The following GALNT13 variants were observed in gnomAD, a reference collection of about 807,000 sequenced individuals.
GALNT13 encodes the protein polypeptide N-acetylgalactosaminyltransferase 13, also known as UDP-GalNAc:polypeptide N-acetylgalactosaminyltransferase 13.
GALNT13 carries 28 observed loss-of-function variants against 64.2 expected under a neutral mutation model. That is an observed-to-expected ratio of 0.44 (90% CI 0.32 to 0.60). The LOEUF (loss-of-function observed/expected upper bound fraction) is 0.60. GALNT13 is among the 20% of genes least tolerant of loss of function. The pLI, the probability that GALNT13 is intolerant of heterozygous loss-of-function variation, is 0.05. For missense variants in GALNT13, 577 were observed against 669.8 expected, an observed-to-expected ratio of 0.86 and a Z score of 1.53; for synonymous variants, 214 against 224.6, an observed-to-expected ratio of 0.95 and a Z score of 0.42.
the GALNT13 span, among the ~76,000 whole-genome samples, chr2:153,378,823 C>T: frequency 1.3e-5 from 2 of 152,112 alleles, no homozygotes; most frequent in Non-Finnish European, 2.9e-5. Flanking sequence ...TGGAAGCCAA[C>T]TTGTACCCGC....
the GALNT13 span, among the ~76,000 whole-genome samples, chr2:153,481,474 C>A: frequency 6.6e-6 from 1 of 152,092 alleles, no homozygotes; most frequent in African/African-American, 2.4e-5. Flanking sequence ...AACTTAATTT[C>A]CAGAAAAATG....
the GALNT13 span, among the ~76,000 whole-genome samples, chr2:153,328,793 C>T: frequency 3.3e-5 from 5 of 152,168 alleles, no homozygotes; most frequent in South Asian, 1.0e-3. Context: ...CTAGCTTCAG[C>T]CCCCTTTCCA....
chr2:153,931,744 A>T (rs1223722759), intron 2 of GALNT13, among the ~76,000 whole-genome samples: 2 of 152,084 alleles, frequency 1.3e-5, no homozygotes, highest in Admixed American at 6.6e-5. Flanking sequence ...TGCTGGATTC[A>T]GTTTGCTAGT....
chr2:154,072,949 T>C (rs1700807498), intron 3 of GALNT13, among the ~76,000 whole-genome samples: 1 of 152,022 alleles, frequency 6.6e-6, no homozygotes, highest in African/African-American at 2.4e-5. Flanking sequence ...GTGGCCTATG[T>C]CAGCGATTCT....
the GALNT13 span, among the ~76,000 whole-genome samples, chr2:153,096,140 A>C: frequency 6.6e-6 from 1 of 152,156 alleles, no homozygotes; most frequent in African/African-American, 2.4e-5. Flanking sequence ...TTTCAGAAAC[A>C]TATTGTTTAA....
At chr2:153,686,786 A>G in the GALNT13 span, among the ~76,000 whole-genome samples, 1 of 151,980 alleles carries the variant, frequency 6.6e-6, no homozygotes, top group African/African-American at 2.4e-5. Context: ...TTTGTCATAT[A>G]TGGTTCATAT....
chr2:153,714,503 A>G, the GALNT13 span, among the ~76,000 whole-genome samples: 3 of 152,222 alleles, frequency 2.0e-5, no homozygotes, highest in African/African-American at 4.8e-5. Flanking sequence ...TCTGCCAACC[A>G]TATTTCTCAC....
chr2:153,543,435 A>G, the GALNT13 span, among the ~76,000 whole-genome samples: 11 of 152,376 alleles, frequency 7.2e-5, no homozygotes, highest in African/African-American at 2.4e-4. Context: ...TTATAATTAT[A>G]TTACAAGGTC....
intron 4 of GALNT13, among the ~76,000 whole-genome samples, chr2:154,185,466 C>T (rs182358253): frequency 1.5e-4 from 23 of 151,914 alleles, no homozygotes; most frequent in South Asian, 8.3e-4. Flanking sequence ...CTATCCCTTC[C>T]GAGATTCTCA....
chr2:153,969,664 G>A (rs80281747), intron 3 of GALNT13, among the ~76,000 whole-genome samples: 2,185 of 151,834 alleles, frequency 0.014, 14 homozygotes, highest in Non-Finnish European at 0.021. Flanking sequence ...ACACTATTCC[G>A]CCTATTACAG....
At chr2:153,654,490 A>G in the GALNT13 span, among the ~76,000 whole-genome samples, 3 of 152,068 alleles carry the variant, frequency 2.0e-5, no homozygotes, top group Non-Finnish European at 4.4e-5. Flanking sequence ...TATTTATAGT[A>G]TACAAAAATC....
intron 3 of GALNT13, among the ~76,000 whole-genome samples, chr2:153,999,078 G>A (rs764077299): frequency 6.6e-6 from 1 of 152,030 alleles, no homozygotes. Context: ...CCAAAAAAGA[G>A]CCCGCATAGC....
chr2:153,104,391 TA>T, the GALNT13 span, among the ~76,000 whole-genome samples: 1 of 152,108 alleles, frequency 6.6e-6, no homozygotes, highest in Non-Finnish European at 1.5e-5. Context: ...TTAGAATTTG[TA>T]AAAAAATTTT....
the GALNT13 span, among the ~76,000 whole-genome samples, chr2:153,817,947 G>A: frequency 4.6e-5 from 7 of 152,110 alleles, no homozygotes; most frequent in Non-Finnish European, 7.3e-5. Context: ...TGCACTGCTC[G>A]CATGGAAAGG....
the GALNT13 span, among the ~76,000 whole-genome samples, chr2:153,717,095 T>G: frequency 6.6e-6 from 1 of 152,130 alleles, no homozygotes; most frequent in African/African-American, 2.4e-5. Context: ...CTGGGGCCCT[T>G]TGGAAGCACT....
chr2:153,634,565 T>C, the GALNT13 span, among the ~76,000 whole-genome samples: 3 of 147,650 alleles, frequency 2.0e-5, no homozygotes, highest in East Asian at 2.0e-4. Context: ...TTTTTTTTTT[T>C]TCTGAGATGG....
intron 11 of GALNT13, among the ~76,000 whole-genome samples, chr2:154,410,599 T>A (rs531181131): frequency 6.6e-6 from 1 of 151,960 alleles, no homozygotes; most frequent in Admixed American, 6.6e-5. Context: ...TAGGTAAAAA[T>A]GTGTTACTTG....
chr2:154,252,176 G>A lies in GALNT13; in HGVS notation c.857+6194G>A, dbSNP rs541351666. 1.4e-3 allele frequency among the ~76,000 whole-genome samples: 216 copies of A among 151,758 alleles called. 1 individual carries two copies. The highest frequency in any genetic ancestry group is 0.01 in the Middle Eastern group (3 of 292). On this transcript the variant is annotated intron_variant, in intron 7 of 12. Coordinates refer to ENST00000392825, the MANE Select transcript of GALNT13 (RefSeq NM_052917.4). ...TCCAAGGCCCTTGATTATTTGCCAA[G>A]TAAGATTAAATAGAATCCTGATGTA...
chr2:153,476,761 T>C, the GALNT13 span, among the ~76,000 whole-genome samples: 1 of 152,222 alleles, frequency 6.6e-6, no homozygotes, highest in Non-Finnish European at 1.5e-5. Flanking sequence ...ACAACGACAG[T>C]AATGCATCTC....
Sources: allele counts gnomAD v4.1 joint callset (sites outside exome capture counted in the v4.1 genomes callset), GRCh38; gene constraint gnomAD v4.1.1; transcripts MANE v1.5; gene names NCBI Gene and HGNC (gene_info 2026-07-23, HGNC 2026-07-21).